The following UGT1A6 variants were observed in gnomAD, a reference collection of about 807,000 sequenced individuals.
UGT1A6 encodes UDP glucuronosyltransferase family 1 member A6, also known as UDP-glucuronosyltransferase 1A6.
In UGT1A6, 32 loss-of-function variants were observed where a neutral mutation model predicts 44.4. The observed-to-expected ratio is 0.72, with a 90% CI of 0.54 to 0.97. The LOEUF (loss-of-function observed/expected upper bound fraction) is 0.97, where lower values mean the gene tolerates loss of function less well. UGT1A6 is among the 50% of genes least tolerant of loss of function. The pLI, the probability that UGT1A6 is intolerant of heterozygous loss-of-function variation, is 0.00. For synonymous variants in UGT1A6, 238 were observed against 248.5 expected, an observed-to-expected ratio of 0.96 and a Z score of 0.40; for missense variants, 685 against 661.9, an observed-to-expected ratio of 1.03 and a Z score of -0.38.
rs1331273154 is a variant in UGT1A6 at position 233,755,158 on chromosome 2, C to T, written c.862-11876C>T. On this transcript the variant is annotated intron_variant, in intron 1 of 4. Coordinates refer to ENST00000305139, the MANE Select transcript of UGT1A6 (RefSeq NM_001072.4). ...AATCTTCTCACCGCTTCCTCCCTGT[C>T]CTCGGGGTTTTTGTCGGGGTGCCAC... 1.2e-4 allele frequency: 159 copies of T among 1,292,482 alleles called. 2 individuals are homozygous for T. Among genetic ancestry groups the T allele is most frequent in the Non-Finnish European group, 4.6e-5 (44 of 955,692 alleles). The allele number at this position is 1,292,482 out of a possible 1,614,324, so 80.1% of individuals were successfully genotyped here.
chr2:233,705,851 G>A (rs1384426645), intron 1 of UGT1A6, among the ~76,000 whole-genome samples: 1 of 152,174 alleles, frequency 6.6e-6, no homozygotes, highest in Non-Finnish European at 1.5e-5. Context: ...GAAGTGGGAA[G>A]CTGAGGCAGG....
intron 1 of UGT1A6, chr2:233,729,501 T>C (rs142329877): frequency 1.3e-5 from 21 of 1,614,102 alleles, no homozygotes; most frequent in Non-Finnish European, 1.7e-5. Flanking sequence ...TGGTCTATCA[T>C]AGGTCTTGTG....
Position 233,772,379 on chromosome 2 carries a change from G to A in UGT1A6, c.1419G>A (p.Leu473=), listed in dbSNP as rs1255487594. ...FVMRHKGAPH[L]RPAAHDLTWY... is the part of the protein sequence containing the mutation. ...TGAGGCACAAGGGCGCGCCACACCTGCGCCCCGCAGCCCACGACCTCACCT... is the reference window on the plus strand; with the variant it reads ...TGAGGCACAAGGGCGCGCCACACCTACGCCCCGCAGCCCACGACCTCACCT... The change falls in exon 5 of 5, where the codon CTG becomes CTA. Residue 473 remains leucine, a synonymous_variant. Transcript: ENST00000305139. 1.2e-6 allele frequency: 2 copies of A among 1,614,130 alleles called. No individual in the cohort carries two copies. The highest frequency in any genetic ancestry group is 2.7e-5 in the African/African-American group (2 of 74,950).
At chr2:233,716,297 A>G (rs1181187909) in intron 1 of UGT1A6, among the ~76,000 whole-genome samples, 1 of 152,154 alleles carries the variant, frequency 6.6e-6, no homozygotes, top group Non-Finnish European at 1.5e-5. Flanking sequence ...CACATCTATA[A>G]AGTCTCTTCC....
At chr2:233,768,188 A>G in intron 3 of UGT1A6, 32 bp from the exon 4 acceptor site, 1 of 1,614,062 alleles carries the variant, frequency 6.2e-7, no homozygotes, top group Non-Finnish European at 8.5e-7. Context: ...CAGAGATGTA[A>G]CTGCTGACAT....
chr2:233,767,857 G>C lies in UGT1A6; in HGVS notation c.1002G>C (p.Trp334Cys). The C allele has an allele frequency of 6.2e-7, 1 of 1,614,112 alleles. No individual in the cohort carries two copies. Among genetic ancestry groups the C allele is most frequent in the Non-Finnish European group, 8.5e-7 (1 of 1,180,034 alleles). The change falls in exon 3 of 5, where the codon TGG becomes TGC. Residue 334 changes from tryptophan to cysteine, a missense_variant. By Grantham distance (215) the Trp-to-Cys change is radical (BLOSUM62 -2). Transcript: ENST00000305139. ...ALGKIPQTVL[W>C]RYTGTRPSNL... The stretch of plus-strand genomic sequence containing the variant: ...CTTTTTGCCCCTCCCAGGTCCTGTG[G>C]CGGTACACTGGAACCCGACCATCGA...
At chr2:233,718,746 TA>T in intron 1 of UGT1A6, 8 of 1,612,108 alleles carry the variant, frequency 5.0e-6, no homozygotes, top group Non-Finnish European at 5.9e-6. Flanking sequence ...AATGACAAGG[TA>T]ATTAAGGCGA....
chr2:233,719,178 G>T lies in UGT1A6; in HGVS notation c.861+25313G>T, dbSNP rs749190317. 40 of 1,614,238 alleles carry T rather than the reference G, an allele frequency of 2.5e-5. No homozygotes were observed. The South Asian group carries it at 4.2e-4, about 17-fold the overall frequency. ...TAGAAGTATGGCAATTATGAACAAT[G>T]TATCTTTGGCCCTTCATAGGTGTTG... is the stretch of plus-strand genomic sequence containing the variant. On this transcript the variant is annotated intron_variant, in intron 1 of 4. Transcript: ENST00000305139.
intron 1 of UGT1A6, among the ~76,000 whole-genome samples, chr2:233,759,764 A>G (rs1348961231): frequency 6.6e-6 from 1 of 152,112 alleles, no homozygotes; most frequent in Non-Finnish European, 1.5e-5. Context: ...GACTCAATAA[A>G]TATTGTTGGA....
chr2:233,713,208 A>G (rs528463880), intron 1 of UGT1A6: 3 of 1,614,188 alleles, frequency 1.9e-6, no homozygotes, highest in Non-Finnish European at 2.5e-6. Flanking sequence ...CAAAGAAGAG[A>G]ACTTTTTCAC....
chr2:233,753,820 G>C (rs1695319484), intron 1 of UGT1A6, among the ~76,000 whole-genome samples: 1 of 152,168 alleles, frequency 6.6e-6, no homozygotes, highest in African/African-American at 2.4e-5. Context: ...AACCACGTTA[G>C]GGCTGAAGAC....
At chr2:233,721,929 C>T (rs1233602775) in intron 1 of UGT1A6, 1 of 379,610 alleles carries the variant, frequency 2.6e-6, no homozygotes, top group African/African-American at 2.1e-5. Context: ...AAAGTGACAT[C>T]CTTCAGACAC....
rs1423413232 is a variant in UGT1A6 at position 233,693,611 on chromosome 2, A to G, written c.607A>G (p.Met203Val). ...GTGCTACACAAAGTTTTCAGACCAC[A>G]TGACTTTTTCCCAACGAGTGGCCAA... ...PRCYTKFSDHMTFSQRVANFL... is the reference protein window; with the variant it reads ...PRCYTKFSDHVTFSQRVANFL... The change falls in exon 1 of 5, where the codon ATG becomes GTG. Residue 203 changes from methionine (M) to valine (V), a missense_variant. Physicochemically the swap from Met to Val is conservative, Grantham distance 21 (BLOSUM62 1). Coordinates refer to ENST00000305139, the MANE Select transcript of UGT1A6 (RefSeq NM_001072.4). 20 of 1,614,080 alleles carry G rather than the reference A, an allele frequency of 1.2e-5. No individual in the cohort carries two copies. Among genetic ancestry groups the G allele is most frequent in the Non-Finnish European group, 1.4e-5 (16 of 1,180,046 alleles).
At chr2:233,739,133 T>C (rs570890692) in intron 1 of UGT1A6, 1 of 152,384 alleles carries the variant, frequency 6.6e-6, no homozygotes, top group East Asian at 1.9e-4. Context: ...GATAAGAATT[T>C]AGGTTTGGGA....
chr2:233,760,032 T>C (rs1193675988), intron 1 of UGT1A6, among the ~76,000 whole-genome samples: 1 of 152,208 alleles, frequency 6.6e-6, no homozygotes, highest in Non-Finnish European at 1.5e-5. Context: ...GTTCTGGAAG[T>C]ACTTTGCTGT....
At chr2:233,726,721 T>C (rs17864697) in intron 1 of UGT1A6, among the ~76,000 whole-genome samples, 20,956 of 152,216 alleles carry the variant, frequency 0.14, 1,603 homozygotes, top group East Asian at 0.2. Context: ...GGAAGTACAA[T>C]GTAGATACTT....
intron 1 of UGT1A6, chr2:233,721,912 C>A: frequency 2.3e-6 from 1 of 427,588 alleles, no homozygotes; most frequent in Non-Finnish European, 4.7e-6. Flanking sequence ...GTGCACACTG[C>A]TTCCATAAAG....
At chr2:233,725,740 A>G (rs2077471611) in intron 1 of UGT1A6, among the ~76,000 whole-genome samples, 1 of 152,228 alleles carries the variant, frequency 6.6e-6, no homozygotes. Context: ...AAATGTAAAC[A>G]TTGTAAGAGA....
chr2:233,700,444 A>C (rs1343757710), intron 1 of UGT1A6, among the ~76,000 whole-genome samples: 1 of 152,214 alleles, frequency 6.6e-6, no homozygotes, highest in Non-Finnish European at 1.5e-5. Flanking sequence ...GAGTAGCTGA[A>C]TGCTAGAATG....
Sources: gnomAD v4.1 joint callset for allele counts (sites outside exome capture counted in the v4.1 genomes callset) on GRCh38, gnomAD v4.1.1 for gene constraint, MANE v1.5 for transcripts, NCBI Gene and HGNC (gene_info 2026-07-23, HGNC 2026-07-21) for gene names.